The following ZFYVE26 variants were observed in gnomAD, a reference collection of about 807,000 sequenced individuals.
ZFYVE26 encodes zinc finger FYVE domain-containing protein 26.
ZFYVE26 carries 181 observed loss-of-function variants against 276.5 expected under a neutral mutation model. That is an observed-to-expected ratio of 0.65 (90% CI 0.58 to 0.74). ZFYVE26 has a LOEUF of 0.74. Ranked by LOEUF, ZFYVE26 falls within the 30% of genes least tolerant of loss-of-function variation. The probability of loss-of-function intolerance (pLI) is 0.00; values close to 1 mark genes in which losing one functional copy is unlikely to be tolerated. For synonymous variants in ZFYVE26, 1,129 were observed against 1,203.1 expected (o/e 0.94, Z 1.27); for missense variants, 2,821 against 3,097.9 (o/e 0.91, Z 2.12).
chr14:67,735,153 G>A, intron 13 of ZFYVE26: 1 of 918,530 alleles, frequency 1.1e-6, no homozygotes. Flanking sequence ...CATGTTGTTG[G>A]CATTTTCAGA....
At position 67,802,082 on chromosome 14, in the gene ZFYVE26, G is replaced by C. The variant is rs749027294; in HGVS notation, c.1636C>G (p.Pro546Ala). ...CGGATGGAGGGAAGTGCTGTACCTG[G>C]GGAGGAGAGAGAGTCATTCGCTGGC... Reference protein sequence around the residue: ...TEPANDSLSSPGAANLFSTYL... With the variant: ...TEPANDSLSSAGAANLFSTYL... The change falls in exon 10 of 42, where the codon CCA becomes GCA. Residue 546 changes from proline (P) to alanine (A), a missense_variant. By Grantham distance (27) the Pro-to-Ala change is conservative. Transcript: ENST00000347230. The C allele has an allele frequency of 3.1e-6, 5 of 1,612,686 alleles. No individual in the cohort carries two copies. Among genetic ancestry groups the C allele is most frequent in the Non-Finnish European group, 3.4e-6 (4 of 1,180,024 alleles).
chr14:67,798,915 T>C (rs2040020012), intron 10 of ZFYVE26: 1 of 1,006,194 alleles, frequency 9.9e-7, no homozygotes, highest in Non-Finnish European at 1.5e-6. Context: ...GGGAGGGCGC[T>C]GAGCTCCGCT....
At chr14:67,729,214 G>A in exon 14 of ZFYVE26, 1 of 1,612,416 alleles carries the variant, frequency 6.2e-7, no homozygotes, top group Non-Finnish European at 8.5e-7. Flanking sequence ...CACCTACGCA[G>A]TGCACCCAGG....
chr14:67,796,924 C>T (rs911728285), intron 12 of ZFYVE26: 1 of 152,076 alleles, frequency 6.6e-6, no homozygotes, highest in African/African-American at 2.4e-5. Flanking sequence ...TGCACTCCAG[C>T]CTGGGCAACA....
chr14:67,770,399 G>T (rs541983376), intron 28 of ZFYVE26: 11 of 153,256 alleles, frequency 7.2e-5, no homozygotes, highest in Non-Finnish European at 1.6e-4. Flanking sequence ...AGGAAGCAGA[G>T]GTTGCAGTGA....
At chr14:67,730,762 C>A (rs1456360077) in intron 13 of ZFYVE26, among the ~76,000 whole-genome samples, 1 of 152,094 alleles carries the variant, frequency 6.6e-6, no homozygotes, top group Non-Finnish European at 1.5e-5. Flanking sequence ...CGCCACCACA[C>A]CTGACTAGTT....
Position 67,807,603 on chromosome 14 carries a change from G to A in ZFYVE26, c.681C>T (p.Cys227=). Residue 227 remains cysteine (C), a synonymous_variant, in exon 5 of 42, where the codon TGC becomes TGT. Coordinates refer to ENST00000347230, the MANE Select transcript of ZFYVE26 (RefSeq NM_015346.4). ...ACTCAACCCCAAGTGGTTCTGCGGGGCAACGCAGAGTCCGCAGGGCTCCAT... is the reference window on the plus strand; with the variant it reads ...ACTCAACCCCAAGTGGTTCTGCGGGACAACGCAGAGTCCGCAGGGCTCCAT... ...AIYGALRTLR[C]PAEPLGVELH... 1 of 1,614,214 alleles carries A rather than the reference G, an allele frequency of 6.2e-7. No individual in the cohort carries two copies. Among genetic ancestry groups the A allele is most frequent in the Non-Finnish European group, 8.5e-7 (1 of 1,180,030 alleles).
chr14:67,794,325 T>C, intron 12 of ZFYVE26, 86 bp from the exon 13 acceptor site: 1 of 1,282,802 alleles, frequency 7.8e-7, no homozygotes, highest in Non-Finnish European at 1.1e-6. Context: ...AGCCAAGATC[T>C]GTGTAGTTAG....
intron 13 of ZFYVE26, among the ~76,000 whole-genome samples, chr14:67,735,968 A>G (rs888461467): frequency 8.5e-5 from 13 of 152,174 alleles, no homozygotes; most frequent in Non-Finnish European, 1.9e-4. Context: ...TTCGTATACA[A>G]TGTTGCCATG....
At chr14:67,767,676 A>C in intron 31 of ZFYVE26, 28 bp downstream of exon 31, 2 of 1,614,102 alleles carry the variant, frequency 1.2e-6, no homozygotes, top group Non-Finnish European at 1.7e-6. Flanking sequence ...AAGAAACTTA[A>C]GTGACCATTG....
intron 32 of ZFYVE26, among the ~76,000 whole-genome samples, chr14:67,763,334 CTTAGT>C (rs1375778047): frequency 5.3e-5 from 8 of 152,194 alleles, no homozygotes; most frequent in Non-Finnish European, 2.9e-5. Flanking sequence ...CTTTCTCTGC[CTTAGT>C]TTACTCATCT....
exon 14 of ZFYVE26, chr14:67,729,408 A>C: frequency 1.3e-6 from 2 of 1,592,120 alleles, no homozygotes; most frequent in Non-Finnish European, 8.5e-7. Context: ...GGTTCTCTCC[A>C]CCACCTGTGT....
In ZFYVE26 at chr14:67,783,130, CCACGAA is replaced by C; in HGVS notation, c.4016_4021del (p.Leu1339_Gly1341delinsArg). The C allele has an allele frequency of 6.2e-7, 1 of 1,607,964 alleles. No homozygotes were observed. The highest frequency in any genetic ancestry group is 8.5e-7 in the Non-Finnish European group (1 of 1,175,746). On this transcript the variant is annotated inframe_deletion, in exon 21 of 42. Transcript: ENST00000347230. Reference sequence around the variant, plus strand: ...TGCAGCCAGAGGCACCTCCCTGCGGCCACGAAGTTCCTTCCATGACAAGCTGGGTTT... The same window carrying C: ...TGCAGCCAGAGGCACCTCCCTGCGGCGTTCCTTCCATGACAAGCTGGGTTT...
chr14:67,778,398 A>G, intron 23 of ZFYVE26, 150 bp from the exon 24 acceptor site: 2 of 1,005,642 alleles, frequency 2.0e-6, no homozygotes, highest in Admixed American at 2.0e-5. Flanking sequence ...TACTGTTCAT[A>G]TCACTTTCCT....
intron 3 of ZFYVE26, among the ~76,000 whole-genome samples, chr14:67,810,957 T>TCATGTACC (rs1191234412): frequency 6.6e-6 from 1 of 152,148 alleles, no homozygotes; most frequent in Non-Finnish European, 1.5e-5. Context: ...CTATCTCCAT[T>TCATGTACC]CATGTACCAT....
At chr14:67,757,260 A>G (rs1051957277) in intron 35 of ZFYVE26, among the ~76,000 whole-genome samples, 2 of 152,224 alleles carry the variant, frequency 1.3e-5, no homozygotes, top group Non-Finnish European at 2.9e-5. Flanking sequence ...CTGAAGCCAG[A>G]TCACGTTACT....
chr14:67,797,721 T>A lies in ZFYVE26; in HGVS notation c.2283A>T (p.Thr761=). Residue 761 remains threonine (T), a synonymous_variant, in exon 12 of 42, where the codon ACA becomes ACT. Transcript: ENST00000347230. ...EQPSRRYQPA[T]RHPSLRRGRR... is the part of the protein sequence containing the mutation. ...GACCCCGGCGGAGACTGGGGTGACGTGTGGCAGGCTGGTATCTTCGGGAAG... is the reference window on the plus strand; with the variant it reads ...GACCCCGGCGGAGACTGGGGTGACGAGTGGCAGGCTGGTATCTTCGGGAAG... 1.2e-6 allele frequency: 2 copies of A among 1,614,108 alleles called. No homozygotes were observed. The highest frequency in any genetic ancestry group is 1.7e-6 in the Non-Finnish European group (2 of 1,180,024).
At chr14:67,774,092 C>T (rs2140209957) in intron 27 of ZFYVE26, among the ~76,000 whole-genome samples, 1 of 152,266 alleles carries the variant, frequency 6.6e-6, no homozygotes, top group Non-Finnish European at 1.5e-5. Flanking sequence ...CATTTGTAAC[C>T]TCAAAAACAA....
chr14:67,805,137 G>A lies in ZFYVE26; in HGVS notation c.1271+80C>T, dbSNP rs1285281522. ...AACTCAAAACATTTATGTGGAAAAC[G>A]CCTTGAAATGGCCACACATGCGGAG... On this transcript the variant is annotated intron_variant, in intron 8 of 41. Coordinates refer to ENST00000347230, the MANE Select transcript of ZFYVE26 (RefSeq NM_015346.4). 5.1e-6 allele frequency: 7 copies of A among 1,374,550 alleles called. No individual in the cohort carries two copies. In the Admixed American group the frequency reaches 7.4e-5, roughly 15 times the overall value. 85.1% of individuals were successfully genotyped at this position (1,374,550 alleles called of 1,614,324 possible).
Sources: gnomAD v4.1 joint callset for allele counts (sites outside exome capture counted in the v4.1 genomes callset) on GRCh38, gnomAD v4.1.1 for gene constraint, MANE v1.5 for transcripts, NCBI Gene and HGNC (gene_info 2026-07-23, HGNC 2026-07-21) for gene names.